The following PDE10A variants were observed in gnomAD, a reference collection of about 807,000 sequenced individuals.
PDE10A encodes the protein cAMP and cAMP-inhibited cGMP 3',5'-cyclic phosphodiesterase 10A.
In PDE10A, 39 loss-of-function variants were observed where a neutral mutation model predicts 97.7. The observed-to-expected ratio is 0.40, with a 90% CI of 0.31 to 0.52. The LOEUF is 0.52. PDE10A is among the 20% of genes least tolerant of loss of function. The probability of loss-of-function intolerance (pLI) is 0.56; values close to 1 mark genes in which losing one functional copy is unlikely to be tolerated. For missense variants in PDE10A, 731 were observed against 1,047.8 expected, an observed-to-expected ratio of 0.70 and a Z score of 4.17; for synonymous variants, 371 against 376.8, an observed-to-expected ratio of 0.98 and a Z score of 0.18.
chr6:165,560,658 T>C (rs553622546), intron 1 of PDE10A, among the ~76,000 whole-genome samples: 1 of 152,364 alleles, frequency 6.6e-6, no homozygotes, highest in African/African-American at 2.4e-5. Context: ...GAAACGTATT[T>C]TCCAAACTAT....
chr6:165,714,220 C>T (rs1264096995), intron 1 of PDE10A, among the ~76,000 whole-genome samples: 1 of 152,246 alleles, frequency 6.6e-6, no homozygotes, highest in South Asian at 2.1e-4. Context: ...CCAAGCTCTG[C>T]GTGGGCAGTC....
intron 1 of PDE10A, among the ~76,000 whole-genome samples, chr6:165,696,205 C>T (rs893032319): frequency 5.3e-5 from 8 of 152,170 alleles, no homozygotes; most frequent in Admixed American, 1.3e-4. Flanking sequence ...AGACCAGTAT[C>T]CAGAGCTGCT....
At chr6:165,956,017 T>A (rs569187378) in intron 1 of PDE10A, among the ~76,000 whole-genome samples, 1 of 152,220 alleles carries the variant, frequency 6.6e-6, no homozygotes, top group Non-Finnish European at 1.5e-5. Flanking sequence ...GAAACATCTG[T>A]AAACTGCCTG....
In PDE10A at chr6:165,418,891, G is replaced by A. The variant is rs193244789; in HGVS notation, c.1654-114C>T. 8.2e-5 allele frequency: 61 copies of A among 741,406 alleles called. No individual in the cohort carries two copies. The highest frequency in any genetic ancestry group is 1.2e-4 in the Non-Finnish European group (56 of 449,756). The allele number at this position is 741,406 out of a possible 1,614,324, so 45.9% of individuals were successfully genotyped here. On this transcript the variant is annotated intron_variant, in intron 10 of 21. Transcript: ENST00000539869. The surrounding 1 kb of genome is among the most constrained non-coding windows in gnomAD (Gnocchi z 4.8). ...AGCTGTCCTATACTCTAATTGGTTGGTATTAGCATTATAAGTAAATAAATA... is the reference window on the plus strand; with the variant it reads ...AGCTGTCCTATACTCTAATTGGTTGATATTAGCATTATAAGTAAATAAATA...
chr6:165,447,959 T>C (rs899350265), intron 5 of PDE10A, among the ~76,000 whole-genome samples: 1 of 152,156 alleles, frequency 6.6e-6, no homozygotes, highest in East Asian at 1.9e-4. Context: ...CCAATAAATA[T>C]TTTTGTGCAA....
At chr6:165,784,836 G>C (rs1328240585) in intron 1 of PDE10A, among the ~76,000 whole-genome samples, 1 of 152,190 alleles carries the variant, frequency 6.6e-6, no homozygotes, top group Non-Finnish European at 1.5e-5. Flanking sequence ...GAATCACTTA[G>C]TTGGTCCAGT....
intron 1 of PDE10A, among the ~76,000 whole-genome samples, chr6:165,813,417 C>T (rs970699891): frequency 4.0e-5 from 6 of 148,566 alleles, no homozygotes; most frequent in African/African-American, 1.5e-4. Flanking sequence ...ACGTGACCGT[C>T]TGCTACTGTC....
Position 165,658,578 on chromosome 6 carries a change from G to A in PDE10A, c.865+3369C>T, listed in dbSNP as rs552099013. Among the ~76,000 whole-genome samples the A allele has an allele frequency of 5.3e-5, 8 of 152,298 alleles. No individual in the cohort carries two copies. The South Asian group carries it at 1.7e-3, about 32-fold the overall frequency. ...GTTCCTGATCTCTGCACGCCCTGCA[G>A]CCGTGTTACATCAGGGCAGCCACAC... On this transcript the variant is annotated intron_variant, in intron 1 of 21. Transcript: ENST00000539869.
chr6:165,538,452 T>TCA (rs1783230553), intron 2 of PDE10A, among the ~76,000 whole-genome samples: 1 of 152,204 alleles, frequency 6.6e-6, no homozygotes, highest in Non-Finnish European at 1.5e-5. Flanking sequence ...TGTGGGTTCA[T>TCA]CAATCACCCT....
chr6:165,978,201 T>C (rs1784905913), intron 1 of PDE10A, among the ~76,000 whole-genome samples: 1 of 152,202 alleles, frequency 6.6e-6, no homozygotes, highest in Non-Finnish European at 1.5e-5. Context: ...ACCTAAGCTG[T>C]TTAGCTCAGA....
At chr6:165,723,829 A>G (rs1327697221) in intron 1 of PDE10A, among the ~76,000 whole-genome samples, 1 of 148,632 alleles carries the variant, frequency 6.7e-6, no homozygotes, top group Non-Finnish European at 1.5e-5. Flanking sequence ...ATGGGAACAA[A>G]CGAGAAATAA....
chr6:165,498,897 G>A (rs551098904), intron 2 of PDE10A, among the ~76,000 whole-genome samples: 27 of 152,168 alleles, frequency 1.8e-4, no homozygotes, highest in African/African-American at 6.3e-4. Flanking sequence ...CTGTTCAAAG[G>A]AAAAATTAAA....
At chr6:165,610,611 T>C (rs946061148) in intron 1 of PDE10A, among the ~76,000 whole-genome samples, 7 of 149,742 alleles carry the variant, frequency 4.7e-5, no homozygotes, top group Admixed American at 4.6e-4. Context: ...GGCTAGAAAA[T>C]ATTGCTTTTG....
At position 165,893,938 on chromosome 6, in the gene PDE10A, G is replaced by A. The variant is rs1006451501; in HGVS notation, c.-615+93591C>T. ...TAGTTGACCCATTCATTGCTTTCAGGTCAAAGTTGGCAATGAAGATTCTTT... is the reference window on the plus strand; with the variant it reads ...TAGTTGACCCATTCATTGCTTTCAGATCAAAGTTGGCAATGAAGATTCTTT... On this transcript the variant is annotated intron_variant, in intron 1 of 19. Transcript: ENST00000366882. Among the ~76,000 whole-genome samples, 9 of 151,602 alleles carry A rather than the reference G, an allele frequency of 5.9e-5. No homozygotes were observed. The South Asian group carries it at 1.0e-3, about 18-fold the overall frequency.
intron 1 of PDE10A, among the ~76,000 whole-genome samples, chr6:165,712,697 C>G (rs1331079643): frequency 7.3e-6 from 1 of 137,704 alleles, no homozygotes; most frequent in Non-Finnish European, 1.5e-5. Context: ...TGGAGTGCAG[C>G]GGCGCGATCT....
chr6:165,615,892 G>A (rs1787705632), intron 1 of PDE10A, among the ~76,000 whole-genome samples: 1 of 152,036 alleles, frequency 6.6e-6, no homozygotes, highest in Non-Finnish European at 1.5e-5. Flanking sequence ...GCATTGCAGG[G>A]GAATGCATGA....
chr6:165,819,803 A>G lies in PDE10A; in HGVS notation c.-615+167726T>C, dbSNP rs59246659. Among the ~76,000 whole-genome samples the G allele has an allele frequency of 4.1e-3, 632 of 152,352 alleles. 6 individuals carry two copies. Among genetic ancestry groups the G allele is most frequent in the African/African-American group, 0.014 (599 of 41,582 alleles). ...AGTGCCTGCCACACAGTGGGTCTCA[A>G]GAAAGCTTTCCTTAAATGAATACAT... is the stretch of plus-strand genomic sequence containing the variant. On this transcript the variant is annotated intron_variant, in intron 1 of 19. Transcript: ENST00000366882. The surrounding 1 kb of genome is among the most constrained non-coding windows in gnomAD (Gnocchi z 4.2).
chr6:165,796,091 C>CTTTTTTTTTTTTTTT (rs1168771487), intron 1 of PDE10A, among the ~76,000 whole-genome samples: 310 of 108,816 alleles, frequency 2.8e-3, no homozygotes, highest in Non-Finnish European at 3.5e-3. Context: ...TTTTTCTTTT[C>CTTTTTTTTTTTTTTT]TTTTTTTTTT....
At chr6:165,747,041 C>G (rs1792859229) in intron 1 of PDE10A, among the ~76,000 whole-genome samples, 1 of 151,902 alleles carries the variant, frequency 6.6e-6, no homozygotes, top group Non-Finnish European at 1.5e-5. Flanking sequence ...GTTTTATATT[C>G]TTTTTTTCTG....
Sources: gnomAD v4.1 joint callset for allele counts (sites outside exome capture counted in the v4.1 genomes callset) on GRCh38, gnomAD v4.1.1 for gene constraint, Gnocchi (gnomAD v3.1) non-coding constraint, MANE v1.5 for transcripts, NCBI Gene and HGNC (gene_info 2026-07-23, HGNC 2026-07-21) for gene names.